The following CARMIL1 variants were observed in gnomAD, a reference collection of about 807,000 sequenced individuals.
CARMIL1 encodes capping protein regulator and myosin 1 linker 1, also known as F-actin-uncapping protein LRRC16A.
Under a neutral mutation model 177.1 loss-of-function variants are expected in CARMIL1, and 90 were observed. The observed-to-expected ratio is 0.51, with a 90% CI of 0.43 to 0.61. The LOEUF is 0.61. CARMIL1 is among the 20% of genes least tolerant of loss of function. The pLI is 0.00. For missense variants in CARMIL1, 1,380 were observed against 1,667.0 expected, an observed-to-expected ratio of 0.83 and a Z score of 3.00; for synonymous variants, 577 against 606.2, an observed-to-expected ratio of 0.95 and a Z score of 0.71.
In CARMIL1 at chr6:25,554,889, C is replaced by T. The variant is rs1039771277; in HGVS notation, c.2592+793C>T. On this transcript the variant is annotated intron_variant, in intron 28 of 36. Coordinates refer to ENST00000329474, the MANE Select transcript of CARMIL1 (RefSeq NM_017640.6). The surrounding 1 kb of genome is among the most constrained non-coding windows in gnomAD (Gnocchi z 4.6). Reference sequence around the variant, plus strand: ...AATTGTTGGGTGACCCTAGAGAATCCTAAAATGAGAGGAGCAGCAATAGCT... The same window carrying T: ...AATTGTTGGGTGACCCTAGAGAATCTTAAAATGAGAGGAGCAGCAATAGCT... Among the ~76,000 whole-genome samples, 12 of 152,152 alleles carry T rather than the reference C, an allele frequency of 7.9e-5. No homozygotes were observed. The highest frequency in any genetic ancestry group is 2.9e-4 in the African/African-American group (12 of 41,434).
intron 31 of CARMIL1, among the ~76,000 whole-genome samples, chr6:25,581,752 A>G (rs578233280): frequency 9.6e-4 from 146 of 152,342 alleles, no homozygotes; most frequent in Non-Finnish European, 1.5e-3. Flanking sequence ...GGAAATCCTT[A>G]TTCTAGATAA....
chr6:25,282,163 A>G (rs988034434), intron 1 of CARMIL1, among the ~76,000 whole-genome samples: 2 of 150,700 alleles, frequency 1.3e-5, no homozygotes, highest in African/African-American at 2.4e-5. Context: ...ATGTAGAAAC[A>G]ATTTAAATGT....
rs1460593655 is a variant in CARMIL1 at position 25,435,562 on chromosome 6, T to C, written c.329T>C (p.Ile110Thr). 2.6e-6 allele frequency: 4 copies of C among 1,565,326 alleles called. No individual in the cohort carries two copies. Among genetic ancestry groups the C allele is most frequent in the Non-Finnish European group, 3.5e-6 (4 of 1,153,896 alleles). The change falls in exon 5 of 37, where the codon ATA becomes ACA. Residue 110 changes from isoleucine (I) to threonine (T), a missense_variant. Transcript: ENST00000329474. ...PEDVSEVLAHIGTCLRKIFPG... is the reference protein window; with the variant it reads ...PEDVSEVLAHTGTCLRKIFPG... ...GACGTGAGTGAGGTGCTGGCTCACA[T>C]AGGCACCTGCCTGAGGAAGATATTT...
intron 29 of CARMIL1, among the ~76,000 whole-genome samples, chr6:25,561,053 C>T (rs1335052942): frequency 6.6e-6 from 1 of 152,116 alleles, no homozygotes; most frequent in African/African-American, 2.4e-5. Context: ...CATTTCAACC[C>T]ACATGCCTTA....
chr6:25,511,095 A>G (rs1281697843), intron 20 of CARMIL1, among the ~76,000 whole-genome samples: 1 of 152,130 alleles, frequency 6.6e-6, no homozygotes, highest in Admixed American at 6.5e-5. Flanking sequence ...GAATTTTTAC[A>G]TTCTAGTTGA....
At chr6:25,349,705 T>A (rs532165834) in intron 2 of CARMIL1, among the ~76,000 whole-genome samples, 1 of 149,404 alleles carries the variant, frequency 6.7e-6, no homozygotes, top group South Asian at 2.1e-4. Flanking sequence ...AATACTGCCC[T>A]GATCTAAACC....
intron 2 of CARMIL1, among the ~76,000 whole-genome samples, chr6:25,312,916 A>ACAAC (rs1290313406): frequency 6.2e-5 from 6 of 96,604 alleles, no homozygotes; most frequent in South Asian, 8.2e-4. Flanking sequence ...AAAAAAAAAA[A>ACAAC]AAAAAAAAAA....
At chr6:25,402,307 A>C (rs938822654) in intron 2 of CARMIL1, among the ~76,000 whole-genome samples, 1 of 152,210 alleles carries the variant, frequency 6.6e-6, no homozygotes, top group Non-Finnish European at 1.5e-5. Flanking sequence ...ATACGCGTCA[A>C]GGAAGAAAAT....
intron 2 of CARMIL1, among the ~76,000 whole-genome samples, chr6:25,355,502 G>A (rs532148744): frequency 2.9e-4 from 44 of 152,166 alleles, no homozygotes; most frequent in Middle Eastern, 6.8e-3. Context: ...AAAATTAATT[G>A]GGTGTGGTGG....
At chr6:25,389,626 G>A (rs11760123) in intron 2 of CARMIL1, among the ~76,000 whole-genome samples, 1 of 152,194 alleles carries the variant, frequency 6.6e-6, no homozygotes, top group Non-Finnish European at 1.5e-5. Context: ...GACTAATGAT[G>A]CCAGGAATAC....
At chr6:25,391,710 A>G (rs1010072989) in intron 2 of CARMIL1, among the ~76,000 whole-genome samples, 3 of 152,210 alleles carry the variant, frequency 2.0e-5, no homozygotes, top group Non-Finnish European at 2.9e-5. Context: ...CCAGGGCTCA[A>G]AAAAACTGCA....
At chr6:25,362,892 G>A (rs956324648) in intron 2 of CARMIL1, among the ~76,000 whole-genome samples, 30 of 152,190 alleles carry the variant, frequency 2.0e-4, no homozygotes, top group African/African-American at 6.5e-4. Flanking sequence ...AAAATTAGCT[G>A]GGCATGATGG....
intron 17 of CARMIL1, among the ~76,000 whole-genome samples, chr6:25,504,571 A>G (rs993273652): frequency 1.3e-5 from 2 of 152,208 alleles, no homozygotes; most frequent in Non-Finnish European, 2.9e-5. Context: ...ATGTTGGTCT[A>G]TATTCTTTTG....
At chr6:25,532,202 G>T (rs974269319) in intron 24 of CARMIL1, among the ~76,000 whole-genome samples, 11 of 151,428 alleles carry the variant, frequency 7.3e-5, no homozygotes, top group Non-Finnish European at 1.6e-4. Flanking sequence ...GGGTTCAAGC[G>T]ATTCTCCTGC....
rs1795320390 is a variant in CARMIL1 at position 25,415,958 on chromosome 6, CA to C, written c.139-4155del. 3.4e-5 allele frequency among the ~76,000 whole-genome samples: 5 copies of C among 148,296 alleles called. No homozygotes were observed. The South Asian group carries it at 1.1e-3, about 32-fold the overall frequency. ...CGGGGTGGAGTGTGGGGGACACTGG[CA>C]GCAGTAGCAGAGAGAGGGGTCAGAG... On this transcript the variant is annotated intron_variant, in intron 2 of 36. Coordinates refer to ENST00000329474, the MANE Select transcript of CARMIL1 (RefSeq NM_017640.6).
chr6:25,330,091 C>G (rs561801844), intron 2 of CARMIL1, among the ~76,000 whole-genome samples: 12 of 152,318 alleles, frequency 7.9e-5, no homozygotes, highest in African/African-American at 2.9e-4. Flanking sequence ...GTTCAGTAAA[C>G]ATTGAATGCT....
chr6:25,534,609 T>C (rs926300879), intron 24 of CARMIL1, among the ~76,000 whole-genome samples: 5 of 152,226 alleles, frequency 3.3e-5, no homozygotes, highest in African/African-American at 1.2e-4. Context: ...TCATTTATCA[T>C]TGAATAAACA....
rs571521997 is a variant in CARMIL1, at chr6:25,608,034, A to T, written c.3847+1761A>T. Among the ~76,000 whole-genome samples the T allele has an allele frequency of 1.3e-3, 194 of 152,338 alleles. 1 individual carries two copies. The highest frequency in any genetic ancestry group is 4.4e-3 in the African/African-American group (185 of 41,586). On this transcript the variant is annotated intron_variant, in intron 35 of 36. Transcript: ENST00000329474. ...GAATGGAGGCAAAGAAAATAGAAAA[A>T]ATTTTTAATAGAAAGCAAAGCAAAT...
intron 2 of CARMIL1, among the ~76,000 whole-genome samples, chr6:25,338,404 T>G (rs1031301851): frequency 1.3e-5 from 2 of 152,224 alleles, no homozygotes; most frequent in Non-Finnish European, 2.9e-5. Flanking sequence ...CCAGAACTTT[T>G]GCCCCTTGGT....
Sources: gnomAD v4.1 joint callset for allele counts (sites outside exome capture counted in the v4.1 genomes callset) on GRCh38, gnomAD v4.1.1 for gene constraint, Gnocchi (gnomAD v3.1) non-coding constraint, MANE v1.5 for transcripts, NCBI Gene and HGNC (gene_info 2026-07-23, HGNC 2026-07-21) for gene names.